The following MUC12 variants were observed in gnomAD, a reference collection of about 807,000 sequenced individuals.
MUC12 encodes the protein mucin-12.
In MUC12, 172 loss-of-function variants were observed where a neutral mutation model predicts 230.8. The ratio of observed to expected loss-of-function variants is 0.75; its 90% CI spans 0.66 to 0.85. The LOEUF (loss-of-function observed/expected upper bound fraction) is 0.85, where lower values mean the gene tolerates loss of function less well. Among genes scored for constraint, MUC12 ranks in the 40% least tolerant of loss-of-function variants. The probability of loss-of-function intolerance (pLI) is 0.00; values close to 1 mark genes in which losing one functional copy is unlikely to be tolerated. For missense variants in MUC12, 3,506 were observed against 5,920.6 expected (o/e 0.59, Z 13.38); for synonymous variants, 1,259 against 2,401.9 (o/e 0.52, Z 13.91).
rs778031399 is a variant in MUC12 at position 100,995,697 on chromosome 7, C to T, written c.5134C>T (p.Leu1712=). 4.4e-5 allele frequency: 68 copies of T among 1,537,074 alleles called. No individual in the cohort carries two copies. The highest frequency in any genetic ancestry group is 3.3e-4 in the Middle Eastern group (2 of 6,014). Residue 1712 remains leucine (L), a synonymous_variant, in exon 2 of 12, where the codon CTA becomes TTA. Transcript: ENST00000536621. ...PPTTTSAFVE[L]STTSHGSPSS... ...TACTACCACATCAGCCTTTGTTGAG[C>T]TATCTACAACCTCCCACGGCAGCCC... is the stretch of plus-strand genomic sequence containing the variant.
Position 100,990,823 on chromosome 7 carries a change from G to C in MUC12, c.260G>C (p.Gly87Ala), listed in dbSNP as rs544357946. 2 of 1,537,706 alleles carry C rather than the reference G, an allele frequency of 1.3e-6. No homozygotes were observed. The highest frequency in any genetic ancestry group is 1.7e-6 in the Non-Finnish European group (2 of 1,147,020). The change falls in exon 2 of 12, where the codon GGC becomes GCC. Residue 87 changes from glycine (G) to alanine (A), a missense_variant. Gly to Ala is a moderately conservative substitution (Grantham distance 60). Transcript: ENST00000536621. Reference protein sequence around the residue: ...HSEESTVSHSGPGATGTTLFP... With the variant: ...HSEESTVSHSAPGATGTTLFP... The stretch of plus-strand genomic sequence containing the variant: ...GAGGAATCAACAGTATCCCACAGCG[G>C]CCCAGGTGCAACTGGAACAACACTC...
Position 100,991,631 on chromosome 7 carries a change from A to G in MUC12, c.1068A>G (p.Glu356=), listed in dbSNP as rs1365028769. The G allele has an allele frequency of 9.1e-6, 14 of 1,536,866 alleles. No individual in the cohort carries two copies. The highest frequency in any genetic ancestry group is 1.2e-5 in the Non-Finnish European group (14 of 1,146,320). The change falls in exon 2 of 12, where the codon GAA becomes GAG. Residue 356 remains glutamate, a synonymous_variant. Coordinates refer to ENST00000536621, the MANE Select transcript of MUC12 (RefSeq NM_001164462.2). Reference sequence around the variant, plus strand: ...GCTCCGCGACCTCAGGCCATGTTGAAGAATCTACAGCCTACCACAGGAGCC... The same window carrying G: ...GCTCCGCGACCTCAGGCCATGTTGAGGAATCTACAGCCTACCACAGGAGCC... ...PARSATSGHV[E]ESTAYHRSPG...
chr7:101,009,001 C>T (rs1793800918), intron 4 of MUC12, 94 bp from the exon 5 acceptor site: 3 of 1,427,458 alleles, frequency 2.1e-6, no homozygotes, highest in African/African-American at 1.4e-5. Flanking sequence ...TACCTGGGCT[C>T]CACAGAAAGG....
rs1164433899 is a variant in MUC12, at chr7:100,991,654, G to T, written c.1091G>T (p.Ser364Ile). 2.0e-6 allele frequency: 3 copies of T among 1,537,198 alleles called. No individual in the cohort carries two copies. In the East Asian group the frequency reaches 7.3e-5, roughly 38 times the overall value. The change falls in exon 2 of 12, where the codon AGC becomes ATC. Residue 364 changes from serine to isoleucine, a missense_variant. Physicochemically the swap from Ser to Ile is moderately radical, Grantham distance 142 (BLOSUM62 -2). Coordinates refer to ENST00000536621, the MANE Select transcript of MUC12 (RefSeq NM_001164462.2). ...HVEESTAYHR[S>I]PGSTQTMHFP... ...GAAGAATCTACAGCCTACCACAGGA[G>T]CCCGGGCTCAACTCAAACAATGCAC...
rs4370452 is a variant in MUC12, at chr7:100,991,683, C to A, written c.1120C>A (p.Pro374Thr). The A allele has an allele frequency of 0.51, 782,461 of 1,537,418 alleles. 200,970 individuals are homozygous for A. Among genetic ancestry groups the A allele is most frequent in the East Asian group, 0.6 (24,445 of 40,904 alleles). Residue 374 changes from proline to threonine, a missense_variant, in exon 2 of 12, where the codon CCT becomes ACT. Coordinates refer to ENST00000536621, the MANE Select transcript of MUC12 (RefSeq NM_001164462.2). ...SPGSTQTMHF[P>T]ESSTTSGHSE... ...GGGCTCAACTCAAACAATGCACTTC[C>A]CTGAAAGCTCCACAACTTCAGGCCA...
Position 101,012,281 on chromosome 7 carries a change from G to A in MUC12, c.15252-15G>A, listed in dbSNP as rs1028485745. 2.6e-6 allele frequency: 4 copies of A among 1,536,468 alleles called. No individual in the cohort carries two copies. The African/African-American group carries it at 4.1e-5, about 16-fold the overall frequency. On this transcript the variant is annotated splice_polypyrimidine_tract_variant and intron_variant, in intron 5 of 11. Coordinates refer to ENST00000536621, the MANE Select transcript of MUC12 (RefSeq NM_001164462.2). ...TGGTGACATGGGTAACTGATGAAACGATTCCCACTTCCAGCAACGGTAGCA... is the reference window on the plus strand; with the variant it reads ...TGGTGACATGGGTAACTGATGAAACAATTCCCACTTCCAGCAACGGTAGCA...
At position 101,014,127 on chromosome 7, in the gene MUC12, G is replaced by C. The variant is rs1793880474; in HGVS notation, c.15800+53G>C. On this transcript the variant is annotated intron_variant, in intron 9 of 11. Coordinates refer to ENST00000536621, the MANE Select transcript of MUC12 (RefSeq NM_001164462.2). ...CCCACACAGAGGGGACAGATCCTGG[G>C]GTGGCCACTGTCTGAATGTCCTAAG... 3 of 1,465,742 alleles carry C rather than the reference G, an allele frequency of 2.0e-6. No individual in the cohort carries two copies. The Admixed American group carries it at 6.9e-5, about 34-fold the overall frequency. The allele number at this position is 1,465,742 out of a possible 1,614,324, so 90.8% of individuals were successfully genotyped here. A position where few individuals can be genotyped will look rare whatever the true frequency, so the allele number is the denominator to read the frequency against.
At chr7:100,975,798 A>G (rs907628177) in intron 1 of MUC12, among the ~76,000 whole-genome samples, 12 of 152,310 alleles carry the variant, frequency 7.9e-5, no homozygotes, top group Non-Finnish European at 1.6e-4. Context: ...TCAGAACTGC[A>G]TTGTCTGAAC....
chr7:100,978,499 G>C (rs1793063129), intron 1 of MUC12, among the ~76,000 whole-genome samples: 2 of 152,180 alleles, frequency 1.3e-5, no homozygotes, highest in East Asian at 3.9e-4. Context: ...GAAGTTCAGA[G>C]AGGTTCGCTG....
chr7:101,005,412 C>T lies in MUC12; in HGVS notation c.14849C>T (p.Ala4950Val), dbSNP rs182409297. ...CCTACTTACACAACACTCTTTCCTG[C>T]GAGTTCCAGCACATCAGGCCTCACT... Reference protein sequence around the residue: ...PSPTYTTLFPASSSTSGLTEE... With the variant: ...PSPTYTTLFPVSSSTSGLTEE... Residue 4950 changes from alanine to valine, a missense_variant, in exon 2 of 12, where the codon GCG (alanine) becomes GTG (valine). Coordinates refer to ENST00000536621, the MANE Select transcript of MUC12 (RefSeq NM_001164462.2). 7.1e-5 allele frequency: 109 copies of T among 1,537,920 alleles called. No homozygotes were observed. Among genetic ancestry groups the T allele is most frequent in the Admixed American group, 2.2e-4 (11 of 51,004 alleles).
intron 1 of MUC12, among the ~76,000 whole-genome samples, chr7:100,970,722 A>AT (rs1471497612): frequency 6.6e-6 from 1 of 151,928 alleles, no homozygotes; most frequent in Non-Finnish European, 1.5e-5. Context: ...AAATATAAAA[A>AT]TTAGCTGGGC....
intron 3 of MUC12, 49 bp from the exon 4 acceptor site, chr7:101,008,585 C>A (rs117343850): frequency 1.1e-5 from 17 of 1,520,832 alleles, no homozygotes; most frequent in Non-Finnish European, 1.5e-5. Flanking sequence ...TCCTGGGGGA[C>A]ATTATTGGGA....
intron 1 of MUC12, among the ~76,000 whole-genome samples, chr7:100,975,398 G>A (rs1381969287): frequency 4.6e-5 from 7 of 152,312 alleles, no homozygotes; most frequent in Admixed American, 1.3e-4. Context: ...TGGGAAGAGA[G>A]TGGTGGAGGT....
chr7:100,990,279 G>C (rs1793259739), intron 1 of MUC12, among the ~76,000 whole-genome samples: 1 of 152,324 alleles, frequency 6.6e-6, no homozygotes, highest in African/African-American at 2.4e-5. Context: ...GCATGCAAGG[G>C]ATTTAGGCTG....
chr7:100,995,426 C>G lies in MUC12; in HGVS notation c.4863C>G (p.Gly1621=). 21 of 1,534,320 alleles carry G rather than the reference C, an allele frequency of 1.4e-5. No individual in the cohort carries two copies. The highest frequency in any genetic ancestry group is 1.8e-5 in the Non-Finnish European group (21 of 1,145,652). ...PGSTDTTLSP[G]STTASSLGPE... ...CCACAGACACAACATTGTCCCCTGG[C>G]AGTACCACAGCATCATCCCTTGGTC... The change falls in exon 2 of 12, where the codon GGC becomes GGG. Residue 1621 remains glycine, a synonymous_variant. Transcript: ENST00000536621.
chr7:101,005,209 T>C lies in MUC12; in HGVS notation c.14646T>C (p.Pro4882=), dbSNP rs1793723658. The stretch of plus-strand genomic sequence containing the variant: ...ATAGTCAACAATCTACACCCTTCCC[T>C]GACAGCCCAGGCTTCACTCACACAG... The part of the protein sequence containing the change: ...SIHSQQSTPF[P]DSPGFTHTVL... Residue 4882 remains proline, a synonymous_variant, in exon 2 of 12, where the codon CCT becomes CCC. Transcript: ENST00000536621. 1 of 1,537,732 alleles carries C rather than the reference T, an allele frequency of 6.5e-7. No homozygotes were observed. The highest frequency in any genetic ancestry group is 1.4e-5 in the African/African-American group (1 of 73,012).
Position 100,992,940 on chromosome 7 carries a change from G to A in MUC12, c.2377G>A (p.Gly793Arg), listed in dbSNP as rs1793373760. 2.6e-6 allele frequency: 4 copies of A among 1,537,224 alleles called. No individual in the cohort carries two copies. Among genetic ancestry groups the A allele is most frequent in the East Asian group, 2.4e-5 (1 of 40,930 alleles). ...CCGCTCCACAACCTCAGTTCTTCTTGGAGAATCTACGACCTCACCCATCAG... is the reference window on the plus strand; with the variant it reads ...CCGCTCCACAACCTCAGTTCTTCTTAGAGAATCTACGACCTCACCCATCAG... ...PARSTTSVLL[G>R]ESTTSPISSG... Residue 793 changes from glycine to arginine, a missense_variant, in exon 2 of 12, where the codon GGA becomes AGA. Transcript: ENST00000536621.
chr7:101,004,890 C>A lies in MUC12; in HGVS notation c.14327C>A (p.Thr4776Lys). The change falls in exon 2 of 12, where the codon ACA becomes AAA. Residue 4776 changes from threonine to lysine, a missense_variant. Thr to Lys is a moderately conservative substitution (Grantham distance 78, BLOSUM62 -1). Transcript: ENST00000536621. ...PTSLYSQAESTHTTAFPASTT... is the reference protein window; with the variant it reads ...PTSLYSQAESKHTTAFPASTT... ...AGCTTGTATAGCCAAGCAGAGTCAA[C>A]ACACACAACAGCGTTCCCTGCCAGC... 6.5e-7 allele frequency: 1 copy of A among 1,537,870 alleles called. No individual in the cohort carries two copies.
At chr7:101,008,055 C>T (rs1016389743) in intron 3 of MUC12, among the ~76,000 whole-genome samples, 5 of 151,792 alleles carry the variant, frequency 3.3e-5, no homozygotes, top group African/African-American at 7.3e-5. Flanking sequence ...CCACCCACCT[C>T]GGTCTCCCAA....
Sources: gnomAD v4.1 joint callset for allele counts (sites outside exome capture counted in the v4.1 genomes callset) on GRCh38, gnomAD v4.1.1 for gene constraint, MANE v1.5 for transcripts, NCBI Gene and HGNC (gene_info 2026-07-23, HGNC 2026-07-21) for gene names.